The following DET1 variants were observed in gnomAD, a reference collection of about 807,000 sequenced individuals.
DET1 encodes DET1 partner of COP1 E3 ubiquitin ligase, also known as DET1 homolog.
In DET1, 22 loss-of-function variants were observed where a neutral mutation model predicts 43.7. That is an observed-to-expected ratio of 0.50 (90% CI 0.36 to 0.72). The LOEUF (loss-of-function observed/expected upper bound fraction) is 0.72. DET1 is among the 30% of genes least tolerant of loss of function. The pLI is 0.00. For synonymous variants in DET1, 315 were observed against 266.2 expected, an observed-to-expected ratio of 1.18 and a Z score of -1.79; for missense variants, 713 against 713.3, an observed-to-expected ratio of 1.00 and a Z score of 0.00.
chr15:88,539,972 G>A (rs971731093), intron 1 of DET1, among the ~76,000 whole-genome samples: 4 of 152,074 alleles, frequency 2.6e-5, no homozygotes, highest in Non-Finnish European at 5.9e-5. Context: ...CACCTGTCAT[G>A]CTTTACTTCG....
chr15:88,534,903 T>C (rs943056400), intron 1 of DET1, among the ~76,000 whole-genome samples: 3 of 152,132 alleles, frequency 2.0e-5, no homozygotes, highest in African/African-American at 7.2e-5. Context: ...TAGGAAACAA[T>C]CCAAAATCAT....
intron 1 of DET1, among the ~76,000 whole-genome samples, chr15:88,544,457 A>G (rs2057193810): frequency 6.6e-6 from 1 of 152,196 alleles, no homozygotes; most frequent in South Asian, 2.1e-4. Flanking sequence ...AATTTATTAC[A>G]GTACCTACAA....
rs565107094 is a variant in DET1 at position 88,518,986 on chromosome 15, T to C, written c.1272-2013A>G. On this transcript the variant is annotated intron_variant, in intron 3 of 4. Transcript: ENST00000268148. ...CTTGGGCCAAATAGAGCTTATTTTTTCCCTTTCATTTGAGCTGAAATAAAA... is the reference window on the plus strand; with the variant it reads ...CTTGGGCCAAATAGAGCTTATTTTTCCCCTTTCATTTGAGCTGAAATAAAA... Among the ~76,000 whole-genome samples the C allele has an allele frequency of 2.0e-5, 3 of 152,272 alleles. No individual in the cohort carries two copies. The East Asian group carries it at 5.8e-4, about 29-fold the overall frequency.
rs986819809 is a variant in DET1 at position 88,504,362 on chromosome 15, A to G, written c.*2066-375T>C. ...TTATTGGTCATGCCAATCAACCATG[A>G]TACGATGTGGGAGGGCATGAATATA... On this transcript the variant is annotated intron_variant and NMD_transcript_variant, in intron 7 of 8. Coordinates refer to the DET1 transcript ENST00000557842. This position sits in a 1 kb window ranked among gnomAD's most constrained non-coding sequence, Gnocchi z 4.7. 7 of 152,204 alleles carry G rather than the reference A, an allele frequency of 4.6e-5. No individual in the cohort carries two copies. Among genetic ancestry groups the G allele is most frequent in the Admixed American group, 6.5e-5 (1 of 15,280 alleles). The allele number at this position is 152,204 out of a possible 1,614,324, so 9.4% of individuals were successfully genotyped here.
intron 1 of DET1, chr15:88,546,175 G>A (rs2142358652): frequency 6.5e-6 from 1 of 153,208 alleles, no homozygotes; most frequent in East Asian, 1.9e-4. Context: ...GGCTAATAAA[G>A]GACTCTTAAT....
chr15:88,542,625 G>T (rs923270374), intron 1 of DET1, among the ~76,000 whole-genome samples: 4 of 152,138 alleles, frequency 2.6e-5, no homozygotes, highest in African/African-American at 7.2e-5. Flanking sequence ...TAGCCCAGAA[G>T]GTTTTTGACA....
In DET1 at chr15:88,531,040, C is replaced by T. The variant is rs771416175; in HGVS notation, c.666G>A (p.Leu222=). Residue 222 remains leucine (L), a synonymous_variant, in exon 2 of 5, where the codon CTG becomes CTA. Coordinates refer to ENST00000268148, the MANE Select transcript of DET1 (RefSeq NM_001144074.3). The surrounding 1 kb of genome is among the most constrained non-coding windows in gnomAD (Gnocchi z 6.2). ...TGGCCAGGATGTTTTTGTACAAGTA[C>T]AGCCCTTGGTTGTGTGACAAGACCA... ...DKVVLSHNQG[L]YLYKNILAIL... The T allele has an allele frequency of 1.3e-5, 21 of 1,613,448 alleles. No homozygotes were observed. Among genetic ancestry groups the T allele is most frequent in the East Asian group, 2.2e-5 (1 of 44,898 alleles).
In DET1 at chr15:88,522,517, T is replaced by TTTTTTTTTTGTTTTG. The variant is rs1341589742; in HGVS notation, c.1271+5081_1271+5082insCAAAACAAAAAAAAA. 5.1e-5 allele frequency among the ~76,000 whole-genome samples: 7 copies of TTTTTTTTTTGTTTTG among 136,608 alleles called. 1 individual carries two copies. Among genetic ancestry groups the TTTTTTTTTTGTTTTG allele is most frequent in the Non-Finnish European group, 1.1e-4 (7 of 63,674 alleles). The allele number at this position is 136,608 out of a possible 152,430, so 89.6% of individuals were successfully genotyped here. The stretch of plus-strand genomic sequence containing the variant: ...TTGTTCTAGGAATGTTCCTGGTTTT[T>TTTTTTTTTTGTTTTG]TTTTTTTTTTGAGTTGGAGTCTCGT... On this transcript the variant is annotated intron_variant, in intron 3 of 4. Coordinates refer to ENST00000268148, the MANE Select transcript of DET1 (RefSeq NM_001144074.3).
At chr15:88,506,895 CT>C (rs1199652797) in intron 7 of DET1, among the ~76,000 whole-genome samples, 1 of 152,196 alleles carries the variant, frequency 6.6e-6, no homozygotes, top group Non-Finnish European at 1.5e-5. Context: ...GAATCTGGAT[CT>C]GAAAGTCTGT....
At chr15:88,506,079 G>A (rs1328848523) in intron 7 of DET1, among the ~76,000 whole-genome samples, 2 of 152,210 alleles carry the variant, frequency 1.3e-5, no homozygotes, top group Non-Finnish European at 2.9e-5. Flanking sequence ...AGAGGCGGGA[G>A]ACCCTCCCAC....
At position 88,543,865 on chromosome 15, in the gene DET1, C is replaced by A. The variant is rs192762419; in HGVS notation, c.-11+2675G>T. ...ATCAAGCAGCTCTCCAGTGCACAACCTGCGCCCAGGTAAATGCCAAGCAAG... is the reference window on the plus strand; with the variant it reads ...ATCAAGCAGCTCTCCAGTGCACAACATGCGCCCAGGTAAATGCCAAGCAAG... On this transcript the variant is annotated intron_variant, in intron 1 of 4. Coordinates refer to ENST00000268148, the MANE Select transcript of DET1 (RefSeq NM_001144074.3). Among the ~76,000 whole-genome samples, 43 of 152,294 alleles carry A rather than the reference C, an allele frequency of 2.8e-4. No homozygotes were observed. In the East Asian group the frequency reaches 6.9e-3, roughly 25 times the overall value.
Position 88,530,863 on chromosome 15 carries a change from T to G in DET1, c.843A>C (p.Thr281=). The change falls in exon 2 of 5, where the codon ACA becomes ACC. Residue 281 remains threonine (T), a synonymous_variant. Coordinates refer to ENST00000268148, the MANE Select transcript of DET1 (RefSeq NM_001144074.3). The part of the protein sequence containing the change: ...VFPEVQRDSQ[T]GMANPFRDPF... ...GATCCCTAAAGGGATTGGCCATGCCTGTCTGACTGTCCCGCTGTACCTCAG... is the reference window on the plus strand; with the variant it reads ...GATCCCTAAAGGGATTGGCCATGCCGGTCTGACTGTCCCGCTGTACCTCAG... 2 of 1,614,014 alleles carry G rather than the reference T, an allele frequency of 1.2e-6. No individual in the cohort carries two copies. The highest frequency in any genetic ancestry group is 1.7e-6 in the Non-Finnish European group (2 of 1,179,878).
In DET1 at chr15:88,531,433, C is replaced by G; in HGVS notation, c.273G>C (p.Gln91His). The G allele has an allele frequency of 1.2e-6, 2 of 1,614,046 alleles. No homozygotes were observed. Among genetic ancestry groups the G allele is most frequent in the Non-Finnish European group, 1.7e-6 (2 of 1,179,906 alleles). The change falls in exon 2 of 5, where the codon CAG (glutamine) becomes CAC (histidine). Residue 91 changes from glutamine (Q) to histidine (H), a missense_variant. Transcript: ENST00000268148. The surrounding 1 kb of genome is among the most constrained non-coding windows in gnomAD (Gnocchi z 6.2). The stretch of plus-strand genomic sequence containing the variant: ...ATCCCTGCAGTAGGTCCTCTGCTGC[C>G]TGGCAGCCCTGGTACTCATAGATTT... Reference protein sequence around the residue: ...SLEIYEYQGCQAAEDLLQGYE... With the variant: ...SLEIYEYQGCHAAEDLLQGYE...
chr15:88,537,603 A>T (rs768760454), intron 1 of DET1, among the ~76,000 whole-genome samples: 6 of 152,238 alleles, frequency 3.9e-5, no homozygotes, highest in Non-Finnish European at 7.3e-5. Flanking sequence ...AGCAGCTGAG[A>T]TGAAGATCTT....
chr15:88,510,187 T>C (rs139989180), downstream of DET1, among the ~76,000 whole-genome samples: 3 of 152,208 alleles, frequency 2.0e-5, no homozygotes, highest in Middle Eastern at 3.4e-3. Flanking sequence ...GTGGGGTGTA[T>C]GGATTATGAA....
At chr15:88,544,014 CCTT>C (rs2057180130) in intron 1 of DET1, among the ~76,000 whole-genome samples, 1 of 152,194 alleles carries the variant, frequency 6.6e-6, no homozygotes, top group Non-Finnish European at 1.5e-5. Context: ...CTAGTAGACA[CCTT>C]CTCCAGATAG....
Position 88,531,263 on chromosome 15 carries a change from G to A in DET1, c.443C>T (p.Thr148Ile), listed in dbSNP as rs1469329340. Residue 148 changes from threonine (T) to isoleucine (I), a missense_variant, in exon 2 of 5, where the codon ACT (threonine) becomes ATT (isoleucine). Transcript: ENST00000268148. The surrounding 1 kb of genome is among the most constrained non-coding windows in gnomAD (Gnocchi z 6.2). Reference sequence around the variant, plus strand: ...CACGATGACACAGCGGCAGTCATCAGTGAAGAGACTACACTCCCGGTTCAG... The same window carrying A: ...CACGATGACACAGCGGCAGTCATCAATGAAGAGACTACACTCCCGGTTCAG... ...EHLNRECSLF[T>I]DDCRCVIVGS... The A allele has an allele frequency of 2.5e-6, 4 of 1,613,802 alleles. No homozygotes were observed. The highest frequency in any genetic ancestry group is 3.4e-6 in the Non-Finnish European group (4 of 1,179,862).
chr15:88,527,584 G>A lies in DET1; in HGVS notation c.1271+15C>T, dbSNP rs200825981. On this transcript the variant is annotated intron_variant, in intron 3 of 4. Coordinates refer to ENST00000268148, the MANE Select transcript of DET1 (RefSeq NM_001144074.3). ...TTCTAAAGAAAAGACTGTTGAGTCT[G>A]GTGGAACAGCTTACCGGCGCTGGAT... The A allele has an allele frequency of 7.6e-6, 12 of 1,580,020 alleles. No individual in the cohort carries two copies. In the Admixed American group the frequency reaches 9.0e-5, roughly 12 times the overall value.
chr15:88,506,430 A>AT (rs35399927), intron 7 of DET1, among the ~76,000 whole-genome samples: 22,806 of 148,658 alleles, frequency 0.15, 1,791 homozygotes, highest in South Asian at 0.29. Context: ...AGACTTCAGA[A>AT]TTTTTTTTTT....
Sources: allele counts gnomAD v4.1 joint callset (sites outside exome capture counted in the v4.1 genomes callset), GRCh38; gene constraint gnomAD v4.1.1; non-coding constraint Gnocchi (gnomAD v3.1); transcripts MANE v1.5; gene names NCBI Gene and HGNC (gene_info 2026-07-23, HGNC 2026-07-21).